The following BMPR1B variants were observed in gnomAD, a reference collection of about 807,000 sequenced individuals.
BMPR1B encodes bone morphogenetic protein receptor type 1B.
In BMPR1B, 12 loss-of-function variants were observed where a neutral mutation model predicts 59.1. The observed-to-expected ratio is 0.20, with a 90% CI of 0.13 to 0.33. The LOEUF (loss-of-function observed/expected upper bound fraction) is 0.33. Among genes scored for constraint, BMPR1B ranks in the 10% least tolerant of loss-of-function variants. BMPR1B has a pLI of 1.00. For missense variants in BMPR1B, 550 were observed against 610.9 expected, an observed-to-expected ratio of 0.90 and a Z score of 1.05; for synonymous variants, 237 against 207.3, an observed-to-expected ratio of 1.14 and a Z score of -1.23.
chr4:94,971,929 C>T (rs911151094), intron 2 of BMPR1B, among the ~76,000 whole-genome samples: 2 of 151,608 alleles, frequency 1.3e-5, no homozygotes, highest in African/African-American at 4.8e-5. Context: ...TAATGATGAG[C>T]CTCTTAAATG....
intron 1 of BMPR1B, among the ~76,000 whole-genome samples, chr4:94,792,835 A>G (rs377323261): frequency 3.9e-5 from 6 of 152,286 alleles, no homozygotes; most frequent in African/African-American, 1.4e-4. Flanking sequence ...TGTTCACCAA[A>G]CACCCTTAGA....
intron 1 of BMPR1B, among the ~76,000 whole-genome samples, chr4:94,875,157 T>C (rs1288533411): frequency 6.6e-6 from 1 of 152,190 alleles, no homozygotes; most frequent in African/African-American, 2.4e-5. Context: ...TTATATGGAA[T>C]ATTATATTTT....
At chr4:94,798,727 A>G (rs1723285468) in intron 1 of BMPR1B, among the ~76,000 whole-genome samples, 1 of 152,120 alleles carries the variant, frequency 6.6e-6, no homozygotes. Context: ...GCTCTGATAA[A>G]CTGAGGTGTT....
At chr4:95,096,715 G>A (rs1178145644) in intron 3 of BMPR1B, among the ~76,000 whole-genome samples, 2 of 78,504 alleles carry the variant, frequency 2.5e-5, no homozygotes, top group African/African-American at 8.1e-5. Context: ...TTATATAGAG[G>A]CATATATAAC....
chr4:94,879,426 C>A (rs1726870572), intron 2 of BMPR1B, among the ~76,000 whole-genome samples: 2 of 152,040 alleles, frequency 1.3e-5, no homozygotes, highest in Admixed American at 1.3e-4. Context: ...CATGGCTAGA[C>A]CTGGTGTCTA....
At chr4:94,785,994 C>A (rs1166383986) in intron 1 of BMPR1B, among the ~76,000 whole-genome samples, 1 of 152,208 alleles carries the variant, frequency 6.6e-6, no homozygotes, top group South Asian at 2.1e-4. Flanking sequence ...CTGGCCACAT[C>A]ATCACTCACT....
At chr4:95,066,475 A>T (rs1025516803) in intron 3 of BMPR1B, among the ~76,000 whole-genome samples, 1 of 152,226 alleles carries the variant, frequency 6.6e-6, no homozygotes, top group Non-Finnish European at 1.5e-5. Context: ...TAGCATTCAA[A>T]TACAGTTGGA....
intron 2 of BMPR1B, among the ~76,000 whole-genome samples, chr4:94,960,996 G>T (rs1730331209): frequency 6.6e-6 from 1 of 152,122 alleles, no homozygotes; most frequent in Admixed American, 6.6e-5. Context: ...GTTAAGGCTG[G>T]TGAAATAATG....
At chr4:94,769,676 T>C (rs1321244148) in intron 1 of BMPR1B, among the ~76,000 whole-genome samples, 3 of 151,934 alleles carry the variant, frequency 2.0e-5, no homozygotes, top group South Asian at 2.1e-4. Context: ...ATAGACTGAA[T>C]GTGGGAAAGA....
intron 2 of BMPR1B, among the ~76,000 whole-genome samples, chr4:94,897,255 T>C (rs373656013): frequency 2.0e-5 from 3 of 152,178 alleles, no homozygotes; most frequent in East Asian, 3.9e-4. Context: ...AGGATGACCC[T>C]GCGTGGACTC....
At chr4:94,974,881 A>C (rs1052253018) in intron 2 of BMPR1B, among the ~76,000 whole-genome samples, 2 of 152,216 alleles carry the variant, frequency 1.3e-5, no homozygotes, top group Non-Finnish European at 2.9e-5. Context: ...TTTACCTAGC[A>C]ACAGAGAAGT....
chr4:94,798,244 A>G (rs747746443), intron 1 of BMPR1B, among the ~76,000 whole-genome samples: 2 of 152,218 alleles, frequency 1.3e-5, no homozygotes, highest in Non-Finnish European at 2.9e-5. Flanking sequence ...TCCTTTGATA[A>G]GCGTTTGCAG....
intron 3 of BMPR1B, among the ~76,000 whole-genome samples, chr4:95,008,224 G>C (rs545468837): frequency 6.6e-6 from 1 of 152,290 alleles, no homozygotes; most frequent in African/African-American, 2.4e-5. Flanking sequence ...TGATGACAGC[G>C]TGACTATGTA....
intron 2 of BMPR1B, among the ~76,000 whole-genome samples, chr4:94,919,406 C>T (rs1728606254): frequency 6.6e-6 from 1 of 152,148 alleles, no homozygotes; most frequent in South Asian, 2.1e-4. Flanking sequence ...TGTATATACA[C>T]CTAACAAACA....
chr4:94,778,531 A>G (rs1256476569), intron 1 of BMPR1B, among the ~76,000 whole-genome samples: 1 of 152,248 alleles, frequency 6.6e-6, no homozygotes, highest in Middle Eastern at 3.4e-3. Flanking sequence ...GAATGATGTT[A>G]TGGGCTTCTT....
chr4:94,787,975 G>C (rs1334866150), intron 1 of BMPR1B, among the ~76,000 whole-genome samples: 1 of 152,110 alleles, frequency 6.6e-6, no homozygotes, highest in East Asian at 1.9e-4. Context: ...AGCAACTTGT[G>C]GACAACTCCG....
At chr4:94,904,658 A>T (rs1304679815) in intron 2 of BMPR1B, among the ~76,000 whole-genome samples, 3 of 152,074 alleles carry the variant, frequency 2.0e-5, no homozygotes. Context: ...ATCAATGATG[A>T]GCAACATAAT....
intron 1 of BMPR1B, among the ~76,000 whole-genome samples, chr4:94,759,750 A>G (rs752114037): frequency 2.2e-4 from 34 of 152,392 alleles, no homozygotes; most frequent in Non-Finnish European, 5.9e-5. Flanking sequence ...AACTTTCATT[A>G]TAAGGATGTT....
chr4:94,940,555 G>C (rs908489087), intron 2 of BMPR1B, among the ~76,000 whole-genome samples: 3 of 152,182 alleles, frequency 2.0e-5, no homozygotes, highest in Non-Finnish European at 4.4e-5. Context: ...TGAACACGTA[G>C]TGTTTACTGA....
Sources: allele counts gnomAD v4.1 joint callset (sites outside exome capture counted in the v4.1 genomes callset), GRCh38; gene constraint gnomAD v4.1.1; transcripts MANE v1.5; gene names NCBI Gene and HGNC (gene_info 2026-07-23, HGNC 2026-07-21).